The following GCSAML variants were observed in gnomAD, a reference collection of about 807,000 sequenced individuals.
The protein encoded by GCSAML is germinal center-associated signaling and motility-like protein.
A neutral mutation model predicts 13.0 loss-of-function variants in GCSAML; 9 were observed. The ratio of observed to expected loss-of-function variants is 0.69; its 90% CI spans 0.42 to 1.21. GCSAML has a LOEUF of 1.21. GCSAML is among the 50% of genes most tolerant of loss of function. The pLI, the probability that GCSAML is intolerant of heterozygous loss-of-function variation, is 0.00. For synonymous variants in GCSAML, 37 were observed against 52.9 expected (o/e 0.70, Z 1.31); for missense variants, 143 against 153.4 (o/e 0.93, Z 0.36).
chr1:247,539,818 C>T (rs73148475), intron 2 of GCSAML, among the ~76,000 whole-genome samples: 5,212 of 152,216 alleles, frequency 0.034, 290 homozygotes, highest in African/African-American at 0.12. Context: ...AAAATCACAA[C>T]GATTTTACTT....
At position 247,526,773 on chromosome 1, in the gene GCSAML, G is replaced by A. The variant is rs1025652733; in HGVS notation, c.-262-167G>A. ...TGCAAGAGGAATAAAAGAAAAGATG[G>A]AGCCTAGAAAATTCTGACATATTCG... On this transcript the variant is annotated intron_variant, in intron 1 of 5. Transcript: ENST00000366489. This position sits in a 1 kb window ranked among gnomAD's most constrained non-coding sequence, Gnocchi z 4.8. 2 of 359,744 alleles carry A rather than the reference G, an allele frequency of 5.6e-6. No individual in the cohort carries two copies. Among genetic ancestry groups the A allele is most frequent in the Middle Eastern group, 1.0e-3 (1 of 986 alleles). The allele number at this position is 359,744 out of a possible 1,614,324, so 22.3% of individuals were successfully genotyped here. A position where few individuals can be genotyped will look rare whatever the true frequency, so the allele number is the denominator to read the frequency against.
intron 1 of GCSAML, among the ~76,000 whole-genome samples, chr1:247,518,067 C>G (rs1239871934): frequency 6.6e-6 from 1 of 152,226 alleles, no homozygotes; most frequent in Non-Finnish European, 1.5e-5. Flanking sequence ...CCTGCCACAG[C>G]ACTCGCAGCT....
intron 2 of GCSAML, chr1:247,532,538 C>T: frequency 6.2e-7 from 1 of 1,603,816 alleles, no homozygotes; most frequent in Non-Finnish European, 8.5e-7. Context: ...GGCAAAAGGC[C>T]ACCTGTGGGA....
At chr1:247,574,102 G>A (rs1198952996) in intron 4 of GCSAML, 41 bp from the exon 5 acceptor site, 10 of 1,607,430 alleles carry the variant, frequency 6.2e-6, no homozygotes, top group South Asian at 4.5e-5. Context: ...ATTTATGAAT[G>A]ACCGTGGATC....
chr1:247,516,335 G>A (rs768324598), intron 1 of GCSAML, among the ~76,000 whole-genome samples: 15 of 152,160 alleles, frequency 9.9e-5, no homozygotes, highest in African/African-American at 1.9e-4. Context: ...CTACGTCTGC[G>A]ACAGAGCAAT....
At chr1:247,564,244 A>G (rs989913008) in intron 3 of GCSAML, among the ~76,000 whole-genome samples, 7 of 152,028 alleles carry the variant, frequency 4.6e-5, no homozygotes, top group African/African-American at 1.7e-4. Context: ...TAAAAAGTGT[A>G]TTATTTTGTT....
chr1:247,521,940 T>G lies in GCSAML; in HGVS notation c.-262-5000T>G, dbSNP rs557937904. Among the ~76,000 whole-genome samples the G allele has an allele frequency of 3.6e-4, 54 of 150,532 alleles. No homozygotes were observed. In the South Asian group the frequency reaches 5.7e-3, roughly 16 times the overall value. ...CATCCCGTCTAGGAAGTGAGGAGCG[T>G]CTCTGCCCGGCTGCCCATCGTCTGA... On this transcript the variant is annotated intron_variant, in intron 1 of 5. Coordinates refer to the GCSAML transcript ENST00000366489.
intron 2 of GCSAML, 66 bp from the exon 3 acceptor site, chr1:247,563,520 CTTTT>C (rs142922665): frequency 0.48 from 442,362 of 921,486 alleles, 108,919 homozygotes; most frequent in Middle Eastern, 0.54. Context: ...CAACCAAATG[CTTTT>C]TTTGAAAGGC....
In GCSAML at chr1:247,527,347, G is replaced by A. The variant is rs529984376; in HGVS notation, c.-148+293G>A. ...CACTCCTGTCCTGAGTTGACACCCA[G>A]CCTTGAGGTCAAGAAGATGACAGAT... is the stretch of plus-strand genomic sequence containing the variant. On this transcript the variant is annotated intron_variant, in intron 2 of 5. Coordinates refer to the GCSAML transcript ENST00000366489. The surrounding 1 kb of genome is among the most constrained non-coding windows in gnomAD (Gnocchi z 4.6). The A allele has an allele frequency of 3.6e-4, 67 of 188,362 alleles. No homozygotes were observed. The highest frequency in any genetic ancestry group is 1.5e-3 in the African/African-American group (64 of 42,476). The allele number at this position is 188,362 out of a possible 1,614,324, so 11.7% of individuals were successfully genotyped here. A position where few individuals can be genotyped will look rare whatever the true frequency, so the allele number is the denominator to read the frequency against.
intron 4 of GCSAML, among the ~76,000 whole-genome samples, chr1:247,569,094 G>A (rs894562078): frequency 6.6e-6 from 1 of 152,138 alleles, no homozygotes; most frequent in African/African-American, 2.4e-5. Flanking sequence ...ATTAGGTTAA[G>A]GAGTTTTTGG....
At chr1:247,512,808 G>A (rs1386462121) in intron 1 of GCSAML, among the ~76,000 whole-genome samples, 4 of 152,168 alleles carry the variant, frequency 2.6e-5, no homozygotes, top group South Asian at 2.1e-4. Flanking sequence ...GGGTCCGCTC[G>A]AGATCCTGTT....
intron 1 of GCSAML, among the ~76,000 whole-genome samples, chr1:247,523,525 T>C (rs984730030): frequency 3.9e-5 from 6 of 152,200 alleles, no homozygotes; most frequent in Non-Finnish European, 8.8e-5. Context: ...AATGACATGA[T>C]CCCACCCCCG....
chr1:247,576,746 CAA>C lies in GCSAML; in HGVS notation c.*2365_*2366del, dbSNP rs1049894828. The C allele has an allele frequency of 3.8e-4, 58 of 152,152 alleles. No homozygotes were observed. The highest frequency in any genetic ancestry group is 1.3e-3 in the African/African-American group (55 of 41,518). The allele number at this position is 152,152 out of a possible 1,614,324, so 9.4% of individuals were successfully genotyped here. On this transcript the variant is annotated 3_prime_UTR_variant, in exon 5 of 5. Coordinates refer to ENST00000366488, the MANE Select transcript of GCSAML (RefSeq NM_145278.5). ...GTGATTTTAATGTGCGGAAGGGAAA[CAA>C]TAGAAATTTTGCAATTCTAGAAAAG...
Position 247,563,578 on chromosome 1 carries a change from CT to C in GCSAML, c.90-9del. The C allele has an allele frequency of 6.4e-7, 1 of 1,555,500 alleles. No homozygotes were observed. Among genetic ancestry groups the C allele is most frequent in the African/African-American group, 1.4e-5 (1 of 73,752 alleles). On this transcript the variant is annotated splice_polypyrimidine_tract_variant and intron_variant, in intron 2 of 4. Coordinates refer to ENST00000366488, the MANE Select transcript of GCSAML (RefSeq NM_145278.5). The stretch of plus-strand genomic sequence containing the variant: ...CCTGGAGTATCTCATGTTACTATCT[CT>C]TTCCTTGTAGGCAGGAAATGACTAC...
intron 1 of GCSAML, among the ~76,000 whole-genome samples, chr1:247,521,393 C>T (rs1000125380): frequency 9.9e-5 from 14 of 140,780 alleles, no homozygotes; most frequent in African/African-American, 3.3e-4. Context: ...CCACGGTCTC[C>T]CTCTCCCTCT....
At chr1:247,538,658 C>G (rs1284281672) in intron 2 of GCSAML, 1 of 440,344 alleles carries the variant, frequency 2.3e-6, no homozygotes, top group African/African-American at 2.0e-5. Flanking sequence ...CAGTCTCTTT[C>G]TTTCCACACA....
chr1:247,545,385 T>A (rs1010466219), upstream of GCSAML, among the ~76,000 whole-genome samples: 1 of 152,232 alleles, frequency 6.6e-6, no homozygotes, highest in Non-Finnish European at 1.5e-5. Flanking sequence ...TTAACAATTA[T>A]AAGCACTGTC....
At chr1:247,573,889 T>A (rs896850738) in intron 4 of GCSAML, among the ~76,000 whole-genome samples, 2 of 152,200 alleles carry the variant, frequency 1.3e-5, no homozygotes, top group Admixed American at 6.5e-5. Context: ...TAATTCTCCT[T>A]GAAGAGGTCC....
chr1:247,511,699 C>A (rs111355094), intron 1 of GCSAML, among the ~76,000 whole-genome samples: 3,690 of 152,248 alleles, frequency 0.024, 148 homozygotes, highest in African/African-American at 0.083. Context: ...TAAGGCAGCC[C>A]TGGTGGTGAC....
Sources: allele counts gnomAD v4.1 joint callset (sites outside exome capture counted in the v4.1 genomes callset), GRCh38; gene constraint gnomAD v4.1.1; non-coding constraint Gnocchi (gnomAD v3.1); transcripts MANE v1.5; gene names NCBI Gene and HGNC (gene_info 2026-07-23, HGNC 2026-07-21).